Variants in EYS observed in about 807,000 individuals in gnomAD.
EYS encodes the protein EGF-like photoreceptor maintenance factor.
In EYS, 250 loss-of-function variants were observed where a neutral mutation model predicts 282.1. The ratio of observed to expected loss-of-function variants is 0.89; its 90% CI spans 0.80 to 0.98. EYS has a LOEUF of 0.98. Ranked by LOEUF, EYS falls within the 50% of genes least tolerant of loss-of-function variation. The probability of loss-of-function intolerance (pLI) is 0.00; values close to 1 mark genes in which losing one functional copy is unlikely to be tolerated. For missense variants in EYS, 4,016 were observed against 3,709.0 expected, an observed-to-expected ratio of 1.08 and a Z score of -2.15; for synonymous variants, 1,355 against 1,282.9, an observed-to-expected ratio of 1.06 and a Z score of -1.20.
chr6:64,482,756 A>G (rs547979173), intron 26 of EYS, among the ~76,000 whole-genome samples: 3 of 151,868 alleles, frequency 2.0e-5, no homozygotes, highest in African/African-American at 7.2e-5. Context: ...TACAATTTGC[A>G]TCTGGTGGGA....
chr6:64,655,701 T>G (rs559014113), intron 22 of EYS, among the ~76,000 whole-genome samples: 365 of 152,090 alleles, frequency 2.4e-3, no homozygotes, highest in Non-Finnish European at 4.3e-3. Flanking sequence ...ATATATATAA[T>G]AAGTCATGGA....
chr6:64,099,263 A>G (rs11963609), intron 31 of EYS, among the ~76,000 whole-genome samples: 6,390 of 152,316 alleles, frequency 0.042, 399 homozygotes, highest in African/African-American at 0.14. Context: ...ACAATGAATA[A>G]TAATTAGTAA....
intron 35 of EYS, among the ~76,000 whole-genome samples, chr6:63,947,583 C>G (rs984149282): frequency 2.0e-5 from 3 of 152,044 alleles, no homozygotes; most frequent in African/African-American, 7.2e-5. Context: ...GAATCCCGCC[C>G]CAACAGTTTC....
intron 30 of EYS, among the ~76,000 whole-genome samples, chr6:64,304,942 T>C (rs1769381646): frequency 6.6e-6 from 1 of 152,078 alleles, no homozygotes; most frequent in Non-Finnish European, 1.5e-5. Context: ...ATTCAACAAG[T>C]TAACTAAAAC....
At chr6:64,773,396 G>A (rs928550436) in intron 22 of EYS, among the ~76,000 whole-genome samples, 6 of 151,720 alleles carry the variant, frequency 4.0e-5, no homozygotes, top group African/African-American at 1.2e-4. Context: ...CACTCAGGTT[G>A]GTTCCATGCT....
chr6:63,935,736 T>C (rs1765039614), intron 35 of EYS, among the ~76,000 whole-genome samples: 1 of 152,254 alleles, frequency 6.6e-6, no homozygotes, highest in Non-Finnish European at 1.5e-5. Flanking sequence ...TTCTGTTGTT[T>C]AAGTCATCCA....
chr6:64,457,796 C>T (rs1427409929), intron 26 of EYS, among the ~76,000 whole-genome samples: 1 of 61,768 alleles, frequency 1.6e-5, no homozygotes, highest in African/African-American at 1.1e-4. Flanking sequence ...ATTTTTTTTC[C>T]CCCCCATTTG....
rs1177009384 is a variant in EYS, at chr6:64,576,377, G to T, written c.5644+13846C>A. Among the ~76,000 whole-genome samples the T allele has an allele frequency of 2.0e-5, 3 of 152,194 alleles. No individual in the cohort carries two copies. In the East Asian group the frequency reaches 5.8e-4, roughly 29 times the overall value. ...AACCCCAGGTTTTTAGAACGTTAAA[G>T]AAGTGAAGTGACTTTAAAAGTCCTA... On this transcript the variant is annotated intron_variant, in intron 26 of 42. Transcript: ENST00000503581.
intron 5 of EYS, among the ~76,000 whole-genome samples, chr6:65,409,544 A>G (rs535959625): frequency 2.0e-4 from 30 of 152,284 alleles, no homozygotes; most frequent in Middle Eastern, 3.4e-3. Context: ...CAATTGATAC[A>G]TGTTAGAAAA....
chr6:64,469,474 C>T (rs1012356179), intron 26 of EYS, among the ~76,000 whole-genome samples: 3 of 151,890 alleles, frequency 2.0e-5, no homozygotes, highest in African/African-American at 7.3e-5. Context: ...TAATCGTAAC[C>T]GAGGAAAGGC....
Position 63,788,310 on chromosome 6 carries a change from G to A in EYS, c.7579-61C>T. ...TTAATTCCCCAGGGTGAAATGTTAA[G>A]ATACTCTTTTGTTATTTCCCATTAA... On this transcript the variant is annotated intron_variant, in intron 38 of 42. Transcript: ENST00000503581. 4.5e-6 allele frequency: 6 copies of A among 1,325,514 alleles called. No individual in the cohort carries two copies. In the South Asian group the frequency reaches 8.5e-5, roughly 19 times the overall value. 82.1% of individuals were successfully genotyped at this position (1,325,514 alleles called of 1,614,324 possible).
intron 26 of EYS, among the ~76,000 whole-genome samples, chr6:64,561,525 CCAA>C (rs544295230): frequency 6.6e-6 from 1 of 152,116 alleles, no homozygotes; most frequent in Non-Finnish European, 1.5e-5. Context: ...TTCCTGTACA[CCAA>C]CAACAGACAA....
rs146182386 is a variant in EYS, at chr6:64,346,252, C to T, written c.6079-39170G>A. Reference sequence around the variant, plus strand: ...ATGCTGCTATAAAGACACATGCATACGTATGTTTATTGTGGCACTATTCAC... The same window carrying T: ...ATGCTGCTATAAAGACACATGCATATGTATGTTTATTGTGGCACTATTCAC... On this transcript the variant is annotated intron_variant, in intron 29 of 42. Transcript: ENST00000503581. 7.2e-3 allele frequency among the ~76,000 whole-genome samples: 1,088 copies of T among 152,082 alleles called. 9 individuals carry two copies. The highest frequency in any genetic ancestry group is 0.025 in the African/African-American group (1,040 of 41,500).
chr6:64,411,966 T>TGTTTATATATGTATGC (rs1582720067), intron 28 of EYS, among the ~76,000 whole-genome samples: 9 of 150,768 alleles, frequency 6.0e-5, no homozygotes, highest in Non-Finnish European at 7.4e-5. Context: ...TATGTATATA[T>TGTTTATATATGTATGC]ATACAAGTAT....
At chr6:65,182,018 T>A (rs563253919) in intron 12 of EYS, among the ~76,000 whole-genome samples, 3 of 150,990 alleles carry the variant, frequency 2.0e-5, no homozygotes, top group Admixed American at 2.0e-4. Flanking sequence ...TGAGAACACA[T>A]GGACACAGGA....
intron 29 of EYS, among the ~76,000 whole-genome samples, chr6:64,340,854 TAAAG>T (rs528162752): frequency 4.5e-4 from 68 of 151,714 alleles, no homozygotes; most frequent in African/African-American, 1.6e-3. Flanking sequence ...ATCAATAACT[TAAAG>T]AAATCAACAA....
intron 13 of EYS, among the ~76,000 whole-genome samples, chr6:65,002,022 T>C (rs1467345065): frequency 7.2e-6 from 1 of 138,910 alleles, no homozygotes; most frequent in Admixed American, 7.4e-5. Context: ...AAAAATCATA[T>C]ATTAAAATAT....
At position 65,088,325 on chromosome 6, in the gene EYS, A is replaced by C. The variant is rs140944542; in HGVS notation, c.2024-30598T>G. 3.8e-3 allele frequency among the ~76,000 whole-genome samples: 584 copies of C among 152,292 alleles called. 3 individuals carry two copies. The highest frequency in any genetic ancestry group is 6.8e-3 in the Middle Eastern group (2 of 294). ...CAAAAGAAGACAGGAAGATGTGGGA[A>C]AGTTTAGAACTTCCTAGAAACTTGT... On this transcript the variant is annotated intron_variant, in intron 12 of 42. Coordinates refer to ENST00000503581, the MANE Select transcript of EYS (RefSeq NM_001142800.2).
At chr6:65,590,967 A>G (rs1032582650) in intron 2 of EYS, among the ~76,000 whole-genome samples, 1 of 151,744 alleles carries the variant, frequency 6.6e-6, no homozygotes, top group Non-Finnish European at 1.5e-5. Context: ...CATCATATTT[A>G]TTTCATTTCC....
Sources: allele counts gnomAD v4.1 joint callset (sites outside exome capture counted in the v4.1 genomes callset), GRCh38; gene constraint gnomAD v4.1.1; transcripts MANE v1.5; gene names NCBI Gene and HGNC (gene_info 2026-07-23, HGNC 2026-07-21).